NRXN1: variants seen among roughly 807,000 people sequenced by gnomAD.
The protein encoded by NRXN1 is neurexin 1.
In NRXN1, 39 loss-of-function variants were observed where a neutral mutation model predicts 150.9. That is an observed-to-expected ratio of 0.26 (90% confidence interval 0.20 to 0.34). The LOEUF is 0.34. NRXN1 is among the 10% of genes least tolerant of loss of function. The pLI, the probability that NRXN1 is intolerant of heterozygous loss-of-function variation, is 1.00. For missense variants in NRXN1, 1,815 were observed against 1,949.9 expected (o/e 0.93, Z 1.30); for synonymous variants, 924 against 757.0 (o/e 1.22, Z -3.62).
intron 21 of NRXN1, among the ~76,000 whole-genome samples, chr2:49,975,919 T>G (rs1678881049): frequency 6.6e-6 from 1 of 152,114 alleles, no homozygotes; most frequent in Non-Finnish European, 1.5e-5. Flanking sequence ...CAGATACATT[T>G]GAATGAAAAA....
intron 17 of NRXN1, among the ~76,000 whole-genome samples, chr2:50,247,086 C>T (rs1252386096): frequency 6.6e-6 from 1 of 152,030 alleles, no homozygotes; most frequent in Non-Finnish European, 1.5e-5. Flanking sequence ...ATGCCTACAT[C>T]CATCAGCATG....
intron 2 of NRXN1, among the ~76,000 whole-genome samples, chr2:50,935,368 T>C (rs568551564): frequency 1.3e-5 from 2 of 152,200 alleles, no homozygotes; most frequent in African/African-American, 4.8e-5. Context: ...AAGATCCTAT[T>C]AAGGAACTAC....
chr2:50,077,081 GAGATACTGTA>G (rs1270789636), intron 19 of NRXN1, among the ~76,000 whole-genome samples: 1 of 152,142 alleles, frequency 6.6e-6, no homozygotes. Flanking sequence ...TTATCACAAG[GAGATACTGTA>G]AGCTGTCTTA....
At chr2:50,266,668 A>G (rs13030223) in intron 17 of NRXN1, among the ~76,000 whole-genome samples, 62,368 of 151,526 alleles carry the variant, frequency 0.41, 13,059 homozygotes, top group Middle Eastern at 0.45. Context: ...TTAGTTGTCA[A>G]TAACACTGGC....
intron 5 of NRXN1, among the ~76,000 whole-genome samples, chr2:50,711,951 T>C (rs1377073857): frequency 6.6e-6 from 1 of 152,066 alleles, no homozygotes; most frequent in East Asian, 1.9e-4. Flanking sequence ...GACGTGCCAG[T>C]CCCCAGAGCT....
intron 17 of NRXN1, among the ~76,000 whole-genome samples, chr2:50,239,097 T>C (rs1369213495): frequency 6.6e-6 from 1 of 151,866 alleles, no homozygotes; most frequent in Non-Finnish European, 1.5e-5. Context: ...CAGAAGCTTG[T>C]TCATCATAAT....
intron 21 of NRXN1, chr2:49,970,534 A>G (rs1410506469): frequency 6.6e-6 from 1 of 151,994 alleles, no homozygotes; most frequent in Non-Finnish European, 1.5e-5. Context: ...GAAATTGCCT[A>G]CCTACTCCAC....
chr2:50,699,953 C>T (rs938353355), intron 5 of NRXN1, among the ~76,000 whole-genome samples: 1 of 152,154 alleles, frequency 6.6e-6, no homozygotes, highest in Non-Finnish European at 1.5e-5. Context: ...CCAAGTACTG[C>T]ACTCTGTCCA....
rs1167374883 is a variant in NRXN1, at chr2:50,494,812, C to T, written c.3070+1093G>A. On this transcript the variant is annotated intron_variant, in intron 15 of 22. Coordinates refer to ENST00000401669, the MANE Select transcript of NRXN1 (RefSeq NM_001330078.2). Reference sequence around the variant, plus strand: ...TTTTGGGAGGCTGAGGCAGGCGGATCACCTGAGGTCAGGAGTTCAAGAGCA... The same window carrying T: ...TTTTGGGAGGCTGAGGCAGGCGGATTACCTGAGGTCAGGAGTTCAAGAGCA... Among the ~76,000 whole-genome samples, 7 of 152,126 alleles carry T rather than the reference C, an allele frequency of 4.6e-5. No homozygotes were observed. The East Asian group carries it at 1.4e-3, about 29-fold the overall frequency.
chr2:50,846,360 C>T (rs1050584909), intron 5 of NRXN1, among the ~76,000 whole-genome samples: 3 of 152,136 alleles, frequency 2.0e-5, no homozygotes, highest in African/African-American at 7.2e-5. Flanking sequence ...AATCAATTTG[C>T]TCATTCAAAT....
intron 2 of NRXN1, among the ~76,000 whole-genome samples, chr2:50,993,860 C>A (rs1469505538): frequency 1.3e-5 from 2 of 151,902 alleles, no homozygotes; most frequent in African/African-American, 4.8e-5. Flanking sequence ...GATGATTATG[C>A]TGAAAAGGGG....
intron 18 of NRXN1, among the ~76,000 whole-genome samples, chr2:50,128,362 C>T (rs1704924450): frequency 1.3e-5 from 2 of 152,154 alleles, no homozygotes. Flanking sequence ...ATGCTTTAGC[C>T]AATTAAGTTA....
intron 18 of NRXN1, among the ~76,000 whole-genome samples, chr2:50,200,642 A>C (rs1463771703): frequency 6.6e-6 from 1 of 152,150 alleles, no homozygotes; most frequent in Non-Finnish European, 1.5e-5. Flanking sequence ...CCAATATATC[A>C]AAGACTTTGT....
rs187695816 is a variant in NRXN1 at position 50,149,844 on chromosome 2, C to A, written c.3547-58350G>T. On this transcript the variant is annotated intron_variant, in intron 18 of 22. Transcript: ENST00000401669. ...TTCTGACTCAAGAGAAGACTTGAGC[C>A]CCCAGAAATAGGCTTGTTTTCATTA... is the stretch of plus-strand genomic sequence containing the variant. Among the ~76,000 whole-genome samples the A allele has an allele frequency of 1.9e-3, 292 of 151,508 alleles. 1 individual carries two copies. The highest frequency in any genetic ancestry group is 6.8e-3 in the African/African-American group (283 of 41,370).
At chr2:50,086,857 G>A (rs952469503) in intron 19 of NRXN1, among the ~76,000 whole-genome samples, 2 of 145,912 alleles carry the variant, frequency 1.4e-5, no homozygotes, top group South Asian at 2.1e-4. Context: ...AGAGCGAGCC[G>A]AAAATGCGGG....
At chr2:50,085,246 G>C (rs1318529705) in intron 19 of NRXN1, among the ~76,000 whole-genome samples, 4 of 152,136 alleles carry the variant, frequency 2.6e-5, no homozygotes, top group Non-Finnish European at 4.4e-5. Context: ...AGTTTAAGGA[G>C]GGATGTTGAT....
At chr2:50,540,388 A>C (rs1278017068) in intron 9 of NRXN1, among the ~76,000 whole-genome samples, 1 of 152,210 alleles carries the variant, frequency 6.6e-6, no homozygotes, top group Non-Finnish European at 1.5e-5. Flanking sequence ...TTGGGGAAAT[A>C]AAATTTATAA....
At chr2:50,201,903 C>A (rs2062194497) in intron 18 of NRXN1, among the ~76,000 whole-genome samples, 1 of 152,246 alleles carries the variant, frequency 6.6e-6, no homozygotes, top group Admixed American at 6.5e-5. Flanking sequence ...TGTATTTCTC[C>A]TTTTCCTTAC....
chr2:50,879,312 C>T (rs1460482524), intron 5 of NRXN1, among the ~76,000 whole-genome samples: 1 of 151,884 alleles, frequency 6.6e-6, no homozygotes, highest in Non-Finnish European at 1.5e-5. Context: ...CCTACATGAG[C>T]CACTTTCTTA....
Sources: gnomAD v4.1 joint callset for allele counts (sites outside exome capture counted in the v4.1 genomes callset) on GRCh38, gnomAD v4.1.1 for gene constraint, MANE v1.5 for transcripts, NCBI Gene and HGNC (gene_info 2026-07-23, HGNC 2026-07-21) for gene names.